The following COL14A1 variants were observed in gnomAD, a reference collection of about 807,000 sequenced individuals.
COL14A1 encodes collagen alpha-1(XIV) chain.
In COL14A1, 136 loss-of-function variants were observed where a neutral mutation model predicts 230.3. The ratio of observed to expected loss-of-function variants is 0.59; its 90% confidence interval spans 0.51 to 0.68. COL14A1 has a LOEUF of 0.68. Ranked by LOEUF, COL14A1 falls within the 30% of genes least tolerant of loss-of-function variation. The pLI is 0.00. For synonymous variants in COL14A1, 792 were observed against 784.1 expected, an observed-to-expected ratio of 1.01 and a Z score of -0.17; for missense variants, 1,976 against 2,215.8, an observed-to-expected ratio of 0.89 and a Z score of 2.17.
chr8:120,199,187 G>T (rs1817145155), intron 7 of COL14A1, among the ~76,000 whole-genome samples: 1 of 152,154 alleles, frequency 6.6e-6, no homozygotes, highest in African/African-American at 2.4e-5. Flanking sequence ...GTTTCTGAAA[G>T]AATGCAGTGT....
rs1295373862 is a variant in COL14A1, at chr8:120,332,175, C to T, written c.4694C>T (p.Pro1565Leu). The T allele has an allele frequency of 1.2e-6, 2 of 1,614,064 alleles. No homozygotes were observed. Among genetic ancestry groups the T allele is most frequent in the Non-Finnish European group, 1.7e-6 (2 of 1,179,954 alleles). Residue 1565 changes from proline to leucine, a missense_variant, in exon 41 of 48, where the codon CCA becomes CTA. Physicochemically the swap from Pro to Leu is moderately conservative, Grantham distance 98 (BLOSUM62 -3). Coordinates refer to ENST00000297848, the MANE Select transcript of COL14A1 (RefSeq NM_021110.4). ...LPGKDGSSGP[P>L]GPPGPIGIPG... ...GGAAAGGATGGATCCTCGGGACCTC[C>T]AGGACCACCAGGGCCAATAGTAAGC...
At chr8:120,187,162 G>A (rs1382995807) in intron 5 of COL14A1, among the ~76,000 whole-genome samples, 1 of 152,146 alleles carries the variant, frequency 6.6e-6, no homozygotes, top group Non-Finnish European at 1.5e-5. Flanking sequence ...AAAATGCATT[G>A]TAAACATTTC....
At chr8:120,143,422 G>A (rs1452485428) in intron 1 of COL14A1, among the ~76,000 whole-genome samples, 1 of 152,110 alleles carries the variant, frequency 6.6e-6, no homozygotes, top group African/African-American at 2.4e-5. Context: ...TTTGGGACCA[G>A]CCTGGCCAAC....
At position 120,203,958 on chromosome 8, in the gene COL14A1, A is replaced by G. The variant is rs905110836; in HGVS notation, c.1039+88A>G. 2.9e-6 allele frequency: 4 copies of G among 1,399,774 alleles called. No homozygotes were observed. In the African/African-American group the frequency reaches 5.7e-5, roughly 20 times the overall value. 86.7% of individuals were successfully genotyped at this position (1,399,774 alleles called of 1,614,324 possible). On this transcript the variant is annotated intron_variant, in intron 9 of 47. Transcript: ENST00000297848. ...ATTGGGAAAATTCTTTTCATTTTTC[A>G]TGTTGGCTTTTTGAAGACCCCTTAT...
chr8:120,283,794 G>A lies in COL14A1; in HGVS notation c.3967+16G>A. 6.2e-7 allele frequency: 1 copy of A among 1,602,048 alleles called. No homozygotes were observed. Among genetic ancestry groups the A allele is most frequent in the Non-Finnish European group, 8.5e-7 (1 of 1,175,172 alleles). Reference sequence around the variant, plus strand: ...ATTTTAGACAGTAAGTATATTTATTGAGATCACATTCACATATACATGTAT... The same window carrying A: ...ATTTTAGACAGTAAGTATATTTATTAAGATCACATTCACATATACATGTAT... On this transcript the variant is annotated intron_variant, in intron 32 of 47. Transcript: ENST00000297848.
intron 21 of COL14A1, 98 bp from the exon 22 acceptor site, chr8:120,250,519 G>A (rs1818903150): frequency 7.7e-7 from 1 of 1,297,736 alleles, no homozygotes; most frequent in Non-Finnish European, 1.1e-6. Flanking sequence ...ATAATCCCAG[G>A]CAACTGAAAA....
chr8:120,278,268 G>A, intron 27 of COL14A1, 34 bp downstream of exon 27: 1 of 1,572,018 alleles, frequency 6.4e-7, no homozygotes, highest in Middle Eastern at 1.8e-4. Flanking sequence ...AAGGCTCAAA[G>A]TAATTCATTA....
chr8:120,335,115 C>T (rs1822008836), intron 42 of COL14A1, among the ~76,000 whole-genome samples: 2 of 152,076 alleles, frequency 1.3e-5, no homozygotes, highest in African/African-American at 4.8e-5. Context: ...GAAAGAAATG[C>T]AGGCTCTGAG....
chr8:120,166,980 G>T (rs913274852), intron 4 of COL14A1, among the ~76,000 whole-genome samples: 1 of 146,494 alleles, frequency 6.8e-6, no homozygotes, highest in African/African-American at 2.5e-5. Context: ...TCAAGAAGTC[G>T]GTGAATGAGG....
chr8:120,252,338 C>T lies in COL14A1; in HGVS notation c.2752+1572C>T, dbSNP rs1353165595. Among the ~76,000 whole-genome samples the T allele has an allele frequency of 4.6e-5, 7 of 152,132 alleles. No individual in the cohort carries two copies. The South Asian group carries it at 6.2e-4, about 14-fold the overall frequency. ...ATACATAGTCTGTTATCCCTCACCCCGCTTCCAAACCTCCCGTCTTTAGTC... is the reference window on the plus strand; with the variant it reads ...ATACATAGTCTGTTATCCCTCACCCTGCTTCCAAACCTCCCGTCTTTAGTC... On this transcript the variant is annotated intron_variant, in intron 22 of 47. Transcript: ENST00000297848.
At chr8:120,140,914 G>C (rs949411144) in intron 1 of COL14A1, among the ~76,000 whole-genome samples, 1 of 152,178 alleles carries the variant, frequency 6.6e-6, no homozygotes, top group Non-Finnish European at 1.5e-5. Context: ...AAGAGCACTT[G>C]TATTAAACAT....
intron 8 of COL14A1, among the ~76,000 whole-genome samples, chr8:120,201,735 T>G (rs1317435643): frequency 6.6e-6 from 1 of 152,160 alleles, no homozygotes; most frequent in Non-Finnish European, 1.5e-5. Flanking sequence ...GAATGCTTGA[T>G]TCAAGAAGTA....
At chr8:120,224,046 A>ATTTTTTTT (rs1818016976) in intron 14 of COL14A1, among the ~76,000 whole-genome samples, 1 of 12,558 alleles carries the variant, frequency 8.0e-5, no homozygotes. Flanking sequence ...TTTTTTTTTG[A>ATTTTTTTT]GACAGAGTCT....
At chr8:120,125,478 ACTGGGGAC>A (rs1269868974) in intron 1 of COL14A1, 138 bp downstream of exon 1, 8 of 152,468 alleles carry the variant, frequency 5.2e-5, no homozygotes, top group Non-Finnish European at 5.9e-5. Context: ...CCCAGAATGG[ACTGGGGAC>A]CTTTGGGACG....
intron 1 of COL14A1, among the ~76,000 whole-genome samples, chr8:120,145,448 G>A (rs547498916): frequency 2.6e-5 from 4 of 152,222 alleles, no homozygotes; most frequent in East Asian, 3.9e-4. Flanking sequence ...ATGAAATCCC[G>A]TCTCTACTAA....
intron 45 of COL14A1, among the ~76,000 whole-genome samples, chr8:120,362,357 T>A (rs1288921290): frequency 1.3e-5 from 2 of 152,166 alleles, no homozygotes; most frequent in African/African-American, 4.8e-5. Flanking sequence ...GTGAGATAAT[T>A]TATAGGCAGT....
At chr8:120,355,142 A>G (rs543454807) in intron 45 of COL14A1, among the ~76,000 whole-genome samples, 21 of 152,132 alleles carry the variant, frequency 1.4e-4, no homozygotes, top group Non-Finnish European at 2.2e-4. Flanking sequence ...TCTGACGTCA[A>G]CTCACTCTTG....
intron 5 of COL14A1, among the ~76,000 whole-genome samples, chr8:120,186,744 G>A (rs1171193999): frequency 6.6e-6 from 1 of 152,212 alleles, no homozygotes; most frequent in Non-Finnish European, 1.5e-5. Context: ...CCTGCTGGAA[G>A]TGTGAACTAT....
intron 14 of COL14A1, among the ~76,000 whole-genome samples, chr8:120,220,072 A>C (rs1817881350): frequency 6.6e-6 from 1 of 152,098 alleles, no homozygotes; most frequent in South Asian, 2.1e-4. Flanking sequence ...TCTTTTACTG[A>C]AGTGAAGTAT....
Sources: gnomAD v4.1 joint callset for allele counts (sites outside exome capture counted in the v4.1 genomes callset) on GRCh38, gnomAD v4.1.1 for gene constraint, MANE v1.5 for transcripts, NCBI Gene and HGNC (gene_info 2026-07-23, HGNC 2026-07-21) for gene names.